PHACTR1: variants seen among roughly 807,000 people sequenced by gnomAD.
PHACTR1 encodes RPEL repeat containing 1.
In PHACTR1, 16 loss-of-function variants were observed where a neutral mutation model predicts 69.2. The observed-to-expected ratio is 0.23, with a 90% confidence interval of 0.16 to 0.35. The LOEUF (loss-of-function observed/expected upper bound fraction) is 0.35, where lower values mean the gene tolerates loss of function less well. Among genes scored for constraint, PHACTR1 ranks in the 10% least tolerant of loss-of-function variants. PHACTR1 has a pLI of 1.00. For synonymous variants in PHACTR1, 312 were observed against 284.5 expected (o/e 1.10, Z -0.97); for missense variants, 510 against 734.7 (o/e 0.69, Z 3.54).
chr6:13,240,084 G>T (rs1055700235), intron 10 of PHACTR1, among the ~76,000 whole-genome samples: 1 of 151,140 alleles, frequency 6.6e-6, no homozygotes, highest in African/African-American at 2.4e-5. Context: ...CTTGGAGGTT[G>T]TGAGTCTTAC....
intron 4 of PHACTR1, among the ~76,000 whole-genome samples, chr6:12,771,978 T>C (rs1421229706): frequency 2.0e-5 from 3 of 152,082 alleles, no homozygotes; most frequent in Admixed American, 1.3e-4. Context: ...GGCCAGTGAC[T>C]CCATCAGATG....
At chr6:12,754,956 A>T (rs894550130) in intron 4 of PHACTR1, among the ~76,000 whole-genome samples, 1 of 152,228 alleles carries the variant, frequency 6.6e-6, no homozygotes, top group African/African-American at 2.4e-5. Context: ...GCATTTTGTT[A>T]TTCGCAGGGG....
intron 5 of PHACTR1, among the ~76,000 whole-genome samples, chr6:13,119,665 C>T (rs915959749): frequency 6.6e-6 from 1 of 152,154 alleles, no homozygotes; most frequent in Non-Finnish European, 1.5e-5. Context: ...TGCCTGTGCT[C>T]CAGCAGGTCA....
chr6:13,002,212 G>C (rs1798174619), intron 4 of PHACTR1, among the ~76,000 whole-genome samples: 1 of 152,148 alleles, frequency 6.6e-6, no homozygotes, highest in Non-Finnish European at 1.5e-5. Flanking sequence ...TCTGTCTCAG[G>C]TAAAGGCAAA....
At chr6:13,250,624 A>ACAGCCATGCCATGCAGGCT (rs1308046529) in intron 10 of PHACTR1, among the ~76,000 whole-genome samples, 2 of 152,252 alleles carry the variant, frequency 1.3e-5, no homozygotes, top group African/African-American at 4.8e-5. Context: ...AAGGAAGGCC[A>ACAGCCATGCCATGCAGGCT]CAGCCATGCC....
Position 12,845,435 on chromosome 6 carries a change from C to G in PHACTR1, c.250+95645C>G, listed in dbSNP as rs1358598845. ...GTCATTGTGAACACCACCCACCCCCCCCCCCCCCGCCCTCCGTGCTGGGCA... is the reference window on the plus strand; with the variant it reads ...GTCATTGTGAACACCACCCACCCCCGCCCCCCCCGCCCTCCGTGCTGGGCA... On this transcript the variant is annotated intron_variant, in intron 4 of 14. Coordinates refer to ENST00000332995, the MANE Select transcript of PHACTR1 (RefSeq NM_030948.6). Among the ~76,000 whole-genome samples the G allele has an allele frequency of 6.8e-5, 4 of 58,758 alleles. 2 individuals carry two copies. The highest frequency in any genetic ancestry group is 1.8e-4 in the Non-Finnish European group (4 of 22,570). The allele number at this position is 58,758 out of a possible 152,430, so 38.5% of individuals were successfully genotyped here.
chr6:12,804,262 A>G (rs1031107499), intron 4 of PHACTR1, among the ~76,000 whole-genome samples: 3 of 152,068 alleles, frequency 2.0e-5, no homozygotes, highest in African/African-American at 7.3e-5. Flanking sequence ...AAAGAAAACA[A>G]CTCTGCCTCT....
intron 5 of PHACTR1, among the ~76,000 whole-genome samples, chr6:13,111,405 T>G (rs1222607075): frequency 3.3e-5 from 5 of 152,206 alleles, no homozygotes; most frequent in Non-Finnish European, 5.9e-5. Flanking sequence ...TATTTGCATT[T>G]GTTAATTTAA....
At position 12,801,472 on chromosome 6, in the gene PHACTR1, G is replaced by A. The variant is rs528818237; in HGVS notation, c.250+51682G>A. On this transcript the variant is annotated intron_variant, in intron 4 of 14. Transcript: ENST00000332995. ...AGCAAGTTCATAAGGGGCCATGAAA[G>A]TGATTATAAGGGTTCACACATAAGA... Among the ~76,000 whole-genome samples the A allele has an allele frequency of 2.0e-5, 3 of 152,256 alleles. No individual in the cohort carries two copies. The East Asian group carries it at 5.8e-4, about 29-fold the overall frequency.
At chr6:12,949,605 G>T (rs1791068540) in intron 4 of PHACTR1, among the ~76,000 whole-genome samples, 1 of 152,094 alleles carries the variant, frequency 6.6e-6, no homozygotes, top group Admixed American at 6.5e-5. Context: ...ACCAGGAAGG[G>T]GGTCTGAATA....
intron 7 of PHACTR1, among the ~76,000 whole-genome samples, chr6:13,205,005 G>A (rs149885910): frequency 5.9e-5 from 9 of 152,298 alleles, no homozygotes; most frequent in Admixed American, 5.9e-4. Context: ...GGTCTGTTTT[G>A]TGTTGCTGTA....
chr6:12,766,686 GTATGATATTTAATAGACATAC>G (rs1768656517), intron 4 of PHACTR1, among the ~76,000 whole-genome samples: 1 of 152,188 alleles, frequency 6.6e-6, no homozygotes, highest in African/African-American at 2.4e-5. Context: ...ACAGAGTCGA[GTATGATATTTAATAGACATAC>G]TGTCAGCACT....
intron 5 of PHACTR1, among the ~76,000 whole-genome samples, chr6:13,110,271 A>G (rs1816824005): frequency 6.6e-6 from 1 of 152,080 alleles, no homozygotes; most frequent in African/African-American, 2.4e-5. Context: ...GGCTAGCAGT[A>G]ATTTGCATGA....
intron 5 of PHACTR1, among the ~76,000 whole-genome samples, chr6:13,057,650 T>G (rs1432378300): frequency 6.6e-6 from 1 of 152,230 alleles, no homozygotes; most frequent in Non-Finnish European, 1.5e-5. Flanking sequence ...CAATATTTGA[T>G]AGTAGATAGT....
chr6:13,245,022 A>C lies in PHACTR1; in HGVS notation c.1391+14829A>C, dbSNP rs977654382. Reference sequence around the variant, plus strand: ...AATAAATGTCCGTAAAATCTTCACTATCCATGTTCTTCTGCCATGGTTTCA... The same window carrying C: ...AATAAATGTCCGTAAAATCTTCACTCTCCATGTTCTTCTGCCATGGTTTCA... On this transcript the variant is annotated intron_variant, in intron 10 of 14. Transcript: ENST00000332995. This position sits in a 1 kb window ranked among gnomAD's most constrained non-coding sequence, Gnocchi z 4.1. 1.3e-5 allele frequency among the ~76,000 whole-genome samples: 2 copies of C among 152,198 alleles called. No homozygotes were observed. Among genetic ancestry groups the C allele is most frequent in the African/African-American group, 4.8e-5 (2 of 41,450 alleles).
chr6:12,944,215 A>T (rs1220223031), intron 4 of PHACTR1, among the ~76,000 whole-genome samples: 1 of 152,228 alleles, frequency 6.6e-6, no homozygotes, highest in African/African-American at 2.4e-5. Context: ...AGGGCATGCC[A>T]TCTCAGTATG....
At chr6:12,838,194 C>T (rs9381435) in intron 4 of PHACTR1, among the ~76,000 whole-genome samples, 30,764 of 152,044 alleles carry the variant, frequency 0.2, 3,313 homozygotes, top group African/African-American at 0.28. Context: ...TATAACATAC[C>T]GAGTAAAAAC....
chr6:13,007,565 C>G (rs1798940183), intron 4 of PHACTR1, among the ~76,000 whole-genome samples: 1 of 151,808 alleles, frequency 6.6e-6, no homozygotes, highest in Non-Finnish European at 1.5e-5. Flanking sequence ...TGTTACAAGA[C>G]TTTGCAGAAA....
At chr6:12,915,057 A>C (rs1293421582) in intron 4 of PHACTR1, among the ~76,000 whole-genome samples, 2 of 152,188 alleles carry the variant, frequency 1.3e-5, no homozygotes, top group Non-Finnish European at 2.9e-5. Flanking sequence ...CTGCATAAAG[A>C]CGGCTTCAGC....
Sources: gnomAD v4.1 joint callset for allele counts (sites outside exome capture counted in the v4.1 genomes callset) on GRCh38, gnomAD v4.1.1 for gene constraint, Gnocchi (gnomAD v3.1) non-coding constraint, MANE v1.5 for transcripts, NCBI Gene and HGNC (gene_info 2026-07-23, HGNC 2026-07-21) for gene names.